PRKCE: variants seen among roughly 807,000 people sequenced by gnomAD.
The protein encoded by PRKCE is protein kinase C epsilon, also known as protein kinase C epsilon type.
In PRKCE, 16 loss-of-function variants were observed where a neutral mutation model predicts 85.4. The ratio of observed to expected loss-of-function variants is 0.19; its 90% CI spans 0.13 to 0.28. The LOEUF (loss-of-function observed/expected upper bound fraction) is 0.28. Among genes scored for constraint, PRKCE ranks in the 10% least tolerant of loss-of-function variants. The pLI is 1.00. For synonymous variants in PRKCE, 388 were observed against 371.5 expected, an observed-to-expected ratio of 1.04 and a Z score of -0.51; for missense variants, 573 against 975.2, an observed-to-expected ratio of 0.59 and a Z score of 5.49.
chr2:46,004,663 G>A lies in PRKCE; in HGVS notation c.1063+25G>A. The A allele has an allele frequency of 6.5e-7, 1 of 1,537,032 alleles. No homozygotes were observed. The highest frequency in any genetic ancestry group is 8.8e-7 in the Non-Finnish European group (1 of 1,140,444). ...GGTGAGACCCTCAGATTTGCTTCCTGACCTCTGAGTTCTGCCATTGGATGG... is the reference window on the plus strand; with the variant it reads ...GGTGAGACCCTCAGATTTGCTTCCTAACCTCTGAGTTCTGCCATTGGATGG... On this transcript the variant is annotated intron_variant, in intron 8 of 14. Coordinates refer to ENST00000306156, the MANE Select transcript of PRKCE (RefSeq NM_005400.3). The surrounding 1 kb of genome is among the most constrained non-coding windows in gnomAD (Gnocchi z 4.1).
chr2:45,926,057 T>C (rs560711949), intron 2 of PRKCE, among the ~76,000 whole-genome samples: 2 of 152,296 alleles, frequency 1.3e-5, no homozygotes, highest in South Asian at 4.1e-4. Flanking sequence ...TTCTAGAATA[T>C]TGTGCCAGTT....
intron 1 of PRKCE, among the ~76,000 whole-genome samples, chr2:45,796,195 T>C (rs1341493654): frequency 6.6e-6 from 1 of 152,174 alleles, no homozygotes; most frequent in Non-Finnish European, 1.5e-5. Flanking sequence ...GTTGTCTTAT[T>C]CTAGGCTGAC....
In PRKCE at chr2:46,187,735, A is replaced by G. The variant is rs1421142927; in HGVS notation, c.*2854A>G. On this transcript the variant is annotated 3_prime_UTR_variant, in exon 15 of 15. Coordinates refer to ENST00000306156, the MANE Select transcript of PRKCE (RefSeq NM_005400.3). ...TGCTTTAAAAAAAAAAAAGAAGGCTAAAAAATTACCTCTTTTTAAATTATG... is the reference window on the plus strand; with the variant it reads ...TGCTTTAAAAAAAAAAAAGAAGGCTGAAAAATTACCTCTTTTTAAATTATG... 6.6e-6 allele frequency: 1 copy of G among 152,108 alleles called. No individual in the cohort carries two copies. Among genetic ancestry groups the G allele is most frequent in the East Asian group, 1.9e-4 (1 of 5,194 alleles). 9.4% of individuals were successfully genotyped at this position (152,108 alleles called of 1,614,324 possible).
chr2:46,003,392 C>T (rs1704874355), intron 7 of PRKCE, among the ~76,000 whole-genome samples: 1 of 152,208 alleles, frequency 6.6e-6, no homozygotes, highest in African/African-American at 2.4e-5. Flanking sequence ...GTGGATATGC[C>T]AGCATCTATG....
intron 2 of PRKCE, among the ~76,000 whole-genome samples, chr2:45,892,178 A>C (rs1695770471): frequency 1.3e-5 from 2 of 152,108 alleles, no homozygotes; most frequent in South Asian, 4.1e-4. Context: ...GCCCAACAAA[A>C]TCTGTTCCAC....
chr2:46,178,022 G>C (rs138524020), intron 14 of PRKCE, among the ~76,000 whole-genome samples: 1 of 152,284 alleles, frequency 6.6e-6, no homozygotes, highest in East Asian at 1.9e-4. Context: ...CACTTTGGGA[G>C]GCTGAGGCAG....
intron 1 of PRKCE, among the ~76,000 whole-genome samples, chr2:45,790,212 A>C (rs1448844136): frequency 6.6e-6 from 1 of 152,232 alleles, no homozygotes; most frequent in Non-Finnish European, 1.5e-5. Flanking sequence ...CCTTTGGATG[A>C]AATGTGCAGC....
At chr2:45,856,569 C>G (rs1314896590) in intron 2 of PRKCE, among the ~76,000 whole-genome samples, 1 of 152,294 alleles carries the variant, frequency 6.6e-6, no homozygotes, top group East Asian at 1.9e-4. Flanking sequence ...TCAAGGTTCT[C>G]TCTTCTAGCT....
chr2:45,773,750 T>C (rs923844572), intron 1 of PRKCE, among the ~76,000 whole-genome samples: 3 of 152,118 alleles, frequency 2.0e-5, no homozygotes, highest in Non-Finnish European at 4.4e-5. Flanking sequence ...GAGCCCCTGT[T>C]TGCCCCACAG....
At chr2:46,140,049 G>A (rs1254599146) in intron 11 of PRKCE, among the ~76,000 whole-genome samples, 1 of 152,142 alleles carries the variant, frequency 6.6e-6, no homozygotes, top group African/African-American at 2.4e-5. Context: ...AAGGGACACA[G>A]ATGACATGAA....
At position 45,774,417 on chromosome 2, in the gene PRKCE, G is replaced by T. The variant is rs938168112; in HGVS notation, c.349-68583G>T. ...TGAGGCAGAGTCCCGTCAGAGGCCT[G>T]TACAGGCAAACTCAGCATCAGCACG... On this transcript the variant is annotated intron_variant, in intron 1 of 14. Transcript: ENST00000306156. This position sits in a 1 kb window ranked among gnomAD's most constrained non-coding sequence, Gnocchi z 4.3. 6.6e-6 allele frequency among the ~76,000 whole-genome samples: 1 copy of T among 152,318 alleles called. No individual in the cohort carries two copies. The highest frequency in any genetic ancestry group is 1.9e-4 in the East Asian group (1 of 5,180).
At chr2:46,028,569 G>C (rs1192003508) in intron 10 of PRKCE, among the ~76,000 whole-genome samples, 2 of 152,098 alleles carry the variant, frequency 1.3e-5, no homozygotes, top group East Asian at 3.9e-4. Context: ...GCCACCACTG[G>C]TTGAAAATAA....
At chr2:45,924,666 A>T (rs906280778) in intron 2 of PRKCE, among the ~76,000 whole-genome samples, 7 of 152,242 alleles carry the variant, frequency 4.6e-5, no homozygotes, top group African/African-American at 1.7e-4. Context: ...ATGAAAAAGC[A>T]CTTGGCAAAT....
In PRKCE at chr2:46,186,830, A is replaced by G. The variant is rs552504920; in HGVS notation, c.*1949A>G. The G allele has an allele frequency of 3.0e-4, 46 of 152,764 alleles. No homozygotes were observed. The highest frequency in any genetic ancestry group is 1.0e-3 in the African/African-American group (43 of 41,562). 9.5% of individuals were successfully genotyped at this position (152,764 alleles called of 1,614,324 possible). A position where few individuals can be genotyped will look rare whatever the true frequency, so the allele number is the denominator to read the frequency against. On this transcript the variant is annotated 3_prime_UTR_variant, in exon 15 of 15. Coordinates refer to ENST00000306156, the MANE Select transcript of PRKCE (RefSeq NM_005400.3). ...GTCATAGCCTTTGTTACTAATGATG[A>G]CATTCAGTTCTCTTTTGTTTTTATT...
intron 10 of PRKCE, among the ~76,000 whole-genome samples, chr2:46,052,511 T>C (rs565823681): frequency 1.3e-5 from 2 of 152,276 alleles, no homozygotes; most frequent in South Asian, 2.1e-4. Context: ...TCAACATAAA[T>C]GGAAAAAACA....
intron 6 of PRKCE, among the ~76,000 whole-genome samples, chr2:45,989,227 A>G (rs1057229786): frequency 6.6e-6 from 1 of 152,178 alleles, no homozygotes; most frequent in Non-Finnish European, 1.5e-5. Flanking sequence ...CACAGGGAGG[A>G]AGGTGTACTC....
intron 2 of PRKCE, among the ~76,000 whole-genome samples, chr2:45,934,597 C>T (rs1011426965): frequency 4.0e-5 from 6 of 149,838 alleles, no homozygotes; most frequent in African/African-American, 1.5e-4. Flanking sequence ...TGCAGTGAGC[C>T]GAGATCACAC....
chr2:45,773,100 C>T (rs986371406), intron 1 of PRKCE, among the ~76,000 whole-genome samples: 1 of 152,172 alleles, frequency 6.6e-6, no homozygotes, highest in African/African-American at 2.4e-5. Flanking sequence ...CTGCATAGCC[C>T]CTCCGAGGGG....
chr2:45,940,084 C>T (rs1445004433), intron 2 of PRKCE, among the ~76,000 whole-genome samples: 1 of 152,176 alleles, frequency 6.6e-6, no homozygotes, highest in African/African-American at 2.4e-5. Flanking sequence ...CTGCCTTCTT[C>T]TTTTTTGCGC....
Sources: allele counts gnomAD v4.1 joint callset (sites outside exome capture counted in the v4.1 genomes callset), GRCh38; gene constraint gnomAD v4.1.1; non-coding constraint Gnocchi (gnomAD v3.1); transcripts MANE v1.5; gene names NCBI Gene and HGNC (gene_info 2026-07-23, HGNC 2026-07-21).